UBE2E3: variants seen among roughly 807,000 people sequenced by gnomAD.
UBE2E3 encodes ubiquitin conjugating enzyme E2 E3, also known as ubiquitin-conjugating enzyme E2 E3.
UBE2E3 carries 5 observed loss-of-function variants against 23.6 expected under a neutral mutation model. The ratio of observed to expected loss-of-function variants is 0.21; its 90% confidence interval spans 0.11 to 0.44. The LOEUF (loss-of-function observed/expected upper bound fraction) is 0.44. Among genes scored for constraint, UBE2E3 ranks in the 20% least tolerant of loss-of-function variants. The pLI, the probability that UBE2E3 is intolerant of heterozygous loss-of-function variation, is 0.99. For missense variants in UBE2E3, 81 were observed against 249.8 expected (o/e 0.32, Z 4.55); for synonymous variants, 78 against 87.5 (o/e 0.89, Z 0.60).
chr2:181,019,579 T>G (rs750451154), intron 3 of UBE2E3, among the ~76,000 whole-genome samples: 36 of 152,322 alleles, frequency 2.4e-4, no homozygotes, highest in Middle Eastern at 3.4e-3. Flanking sequence ...TCATTTGTAA[T>G]TATCTCAAAA....
At chr2:180,981,327 C>G (rs576299039) in intron 1 of UBE2E3, 2 of 152,078 alleles carry the variant, frequency 1.3e-5, no homozygotes, top group Non-Finnish European at 2.9e-5. Flanking sequence ...GACAAAATGT[C>G]GGTCCGTGAT....
At chr2:181,043,043 T>TA (rs1686562173) in intron 3 of UBE2E3, among the ~76,000 whole-genome samples, 2 of 152,192 alleles carry the variant, frequency 1.3e-5, no homozygotes, top group African/African-American at 2.4e-5. Context: ...AGTCAAGTCT[T>TA]ATGCCTGCAC....
chr2:180,987,481 C>A (rs918925660), intron 3 of UBE2E3: 5 of 1,429,580 alleles, frequency 3.5e-6, no homozygotes, highest in African/African-American at 1.4e-5. Flanking sequence ...AGTGTATGTT[C>A]AGATTGAATC....
chr2:181,058,112 C>T (rs1436729521), intron 4 of UBE2E3, among the ~76,000 whole-genome samples: 1 of 151,476 alleles, frequency 6.6e-6, no homozygotes, highest in Non-Finnish European at 1.5e-5. Flanking sequence ...TCCTATGAAC[C>T]TTCATTAATA....
intron 3 of UBE2E3, among the ~76,000 whole-genome samples, chr2:181,056,878 T>C (rs975898224): frequency 2.6e-5 from 4 of 151,728 alleles, no homozygotes; most frequent in African/African-American, 7.3e-5. Context: ...ACATCACCAA[T>C]GAGGTACAGG....
intron 3 of UBE2E3, chr2:180,987,425 C>A (rs1328681335): frequency 6.5e-7 from 1 of 1,548,472 alleles, no homozygotes; most frequent in Non-Finnish European, 8.7e-7. Flanking sequence ...CCCCTAATTT[C>A]TTTCCATATA....
intron 3 of UBE2E3, among the ~76,000 whole-genome samples, chr2:180,994,432 T>A (rs1684766643): frequency 6.6e-6 from 1 of 152,172 alleles, no homozygotes; most frequent in African/African-American, 2.4e-5. Context: ...ATCTCAGACA[T>A]CATTTCATCT....
chr2:181,051,268 T>C (rs998128064), intron 3 of UBE2E3, among the ~76,000 whole-genome samples: 2 of 151,918 alleles, frequency 1.3e-5, no homozygotes, highest in African/African-American at 4.8e-5. Flanking sequence ...CTGAAAAATA[T>C]AGGTCATTCA....
At chr2:181,019,932 T>C (rs1470556012) in intron 3 of UBE2E3, among the ~76,000 whole-genome samples, 1 of 152,206 alleles carries the variant, frequency 6.6e-6, no homozygotes, top group Non-Finnish European at 1.5e-5. Flanking sequence ...TGCTGTACAT[T>C]AGATCTCCAG....
chr2:181,001,395 CA>C (rs1479696980), intron 3 of UBE2E3, among the ~76,000 whole-genome samples: 3 of 152,088 alleles, frequency 2.0e-5, no homozygotes, highest in African/African-American at 7.2e-5. Flanking sequence ...AAGAAACATA[CA>C]ATTATGTTTT....
At chr2:181,022,218 T>C (rs986905449) in intron 3 of UBE2E3, among the ~76,000 whole-genome samples, 1 of 152,096 alleles carries the variant, frequency 6.6e-6, no homozygotes, top group African/African-American at 2.4e-5. Context: ...AGTTATTTTA[T>C]AGGAAATGTA....
At chr2:181,038,480 G>T (rs1211767869) in intron 3 of UBE2E3, among the ~76,000 whole-genome samples, 2 of 152,150 alleles carry the variant, frequency 1.3e-5, no homozygotes, top group African/African-American at 4.8e-5. Flanking sequence ...AATTCAAAAT[G>T]GGTCATTGAC....
chr2:181,022,628 ATAG>A (rs1300843845), intron 3 of UBE2E3, among the ~76,000 whole-genome samples: 1 of 152,086 alleles, frequency 6.6e-6, no homozygotes, highest in East Asian at 1.9e-4. Context: ...GAAACACTAG[ATAG>A]CACTTTAGCA....
Position 181,004,834 on chromosome 2 carries a change from T to G in UBE2E3, c.245+20741T>G, listed in dbSNP as rs142188291. Among the ~76,000 whole-genome samples the G allele has an allele frequency of 1.6e-3, 241 of 152,356 alleles. 1 individual carries two copies. The highest frequency in any genetic ancestry group is 5.3e-3 in the African/African-American group (220 of 41,590). On this transcript the variant is annotated intron_variant, in intron 3 of 5. Coordinates refer to ENST00000410062, the MANE Select transcript of UBE2E3 (RefSeq NM_006357.4). ...AGTAGGTGACAACTAAGGCCTTTAT[T>G]GTTTCTTGGCCTTTTGCCAAATGTA...
chr2:181,001,436 C>T (rs372660479), intron 3 of UBE2E3, among the ~76,000 whole-genome samples: 6 of 152,112 alleles, frequency 3.9e-5, no homozygotes, highest in Admixed American at 3.9e-4. Flanking sequence ...CTCCACCCCC[C>T]ACACCCCCAA....
At position 181,060,716 on chromosome 2, in the gene UBE2E3, A is replaced by G; in HGVS notation, c.430A>G (p.Ile144Val). 6.2e-7 allele frequency: 1 copy of G among 1,611,230 alleles called. No individual in the cohort carries two copies. The highest frequency in any genetic ancestry group is 8.5e-7 in the Non-Finnish European group (1 of 1,178,508). Reference sequence around the variant, plus strand: ...CTGCAACATCAACAGTCAGGGAGTCATCTGTCTGGACATCCTTAAAGACAA... The same window carrying G: ...CTGCAACATCAACAGTCAGGGAGTCGTCTGTCTGGACATCCTTAAAGACAA... ...YHCNINSQGV[I>V]CLDILKDNWS... The change falls in exon 5 of 6, where the codon ATC (isoleucine) becomes GTC (valine). Residue 144 changes from isoleucine (I) to valine (V), a missense_variant. Ile to Val is a conservative substitution (Grantham distance 29, BLOSUM62 3). Coordinates refer to ENST00000410062, the MANE Select transcript of UBE2E3 (RefSeq NM_006357.4).
intron 3 of UBE2E3, among the ~76,000 whole-genome samples, chr2:180,994,285 T>C (rs978736321): frequency 2.0e-5 from 3 of 152,186 alleles, no homozygotes; most frequent in Non-Finnish European, 4.4e-5. Context: ...TTGAAACATA[T>C]GCAAAAGTAA....
chr2:181,023,956 ACTG>A (rs1685791334), intron 3 of UBE2E3, among the ~76,000 whole-genome samples: 1 of 152,046 alleles, frequency 6.6e-6, no homozygotes, highest in Non-Finnish European at 1.5e-5. Flanking sequence ...CCTACTCCTT[ACTG>A]TCACAAGTGA....
At chr2:181,028,957 A>AT (rs1001664662) in intron 3 of UBE2E3, among the ~76,000 whole-genome samples, 7 of 150,500 alleles carry the variant, frequency 4.7e-5, no homozygotes, top group Non-Finnish European at 7.4e-5. Flanking sequence ...GGATATCTTT[A>AT]TTTTTTTTTC....
Sources: allele counts gnomAD v4.1 joint callset (sites outside exome capture counted in the v4.1 genomes callset), GRCh38; gene constraint gnomAD v4.1.1; transcripts MANE v1.5; gene names NCBI Gene and HGNC (gene_info 2026-07-23, HGNC 2026-07-21).